The following MUC3A variants were observed in gnomAD, a reference collection of about 807,000 sequenced individuals.
MUC3A encodes mucin 3A, cell surface associated.
A neutral mutation model predicts 109.0 loss-of-function variants in MUC3A; 109 were observed. The ratio of observed to expected loss-of-function variants is 1.00; its 90% confidence interval spans 0.86 to 1.17. The LOEUF is 1.17. Among genes scored for constraint, MUC3A ranks in the 50% most tolerant of loss-of-function variants. MUC3A has a pLI of 0.00. For missense variants in MUC3A, 3,537 were observed against 2,469.4 expected (o/e 1.43, Z -9.16); for synonymous variants, 1,398 against 981.4 (o/e 1.42, Z -7.93).
chr7:100,966,348 C>T, intron 8 of MUC3A, 38 bp from the exon 9 acceptor site: 10 of 1,298,614 alleles, frequency 7.7e-6, no homozygotes, highest in African/African-American at 1.5e-5. Flanking sequence ...ACCCCGAGCC[C>T]GGAGGTGAAG....
At position 100,960,797 on chromosome 7, in the gene MUC3A, G is replaced by T. The variant is rs867329998; in HGVS notation, c.8912G>T (p.Cys2971Phe). Residue 2971 changes from cysteine to phenylalanine, a missense_variant, in exon 3 of 12, where the codon TGC becomes TTC. Cys to Phe is a radical substitution (Grantham distance 205). Transcript: ENST00000379458. Reference sequence around the variant, plus strand: ...ACCTGGGAACAGGGCCAGTGTGCTTGCCTTCCGGGGTTTTCTGGGGACCGC... The same window carrying T: ...ACCTGGGAACAGGGCCAGTGTGCTTTCCTTCCGGGGTTTTCTGGGGACCGC... ...GGTWEQGQCA[C>F]LPGFSGDRCQ... 2 of 1,598,518 alleles carry T rather than the reference G, an allele frequency of 1.3e-6. No homozygotes were observed. Among genetic ancestry groups the T allele is most frequent in the Non-Finnish European group, 1.7e-6 (2 of 1,179,812 alleles).
Position 100,954,971 on chromosome 7 carries a change from T to G in MUC3A, c.3192T>G (p.Pro1064=). 1 of 453,958 alleles carries G rather than the reference T, an allele frequency of 2.2e-6. No homozygotes were observed. The highest frequency in any genetic ancestry group is 4.9e-5 in the Admixed American group (1 of 20,246). 28.1% of individuals were successfully genotyped at this position (453,958 alleles called of 1,614,324 possible). ...MITSHTTNTT[P]LSTLVTTLLT... is the part of the protein sequence containing the mutation. Reference sequence around the variant, plus strand: ...CCAGTCATACCACAAACACCACCCCTCTATCCACCTTGGTGACTACACTCC... The same window carrying G: ...CCAGTCATACCACAAACACCACCCCGCTATCCACCTTGGTGACTACACTCC... Residue 1064 remains proline (P), a synonymous_variant, in exon 2 of 12, where the codon CCT becomes CCG. Coordinates refer to ENST00000379458, the MANE Select transcript of MUC3A (RefSeq NM_005960.2).
At chr7:100,964,140 AAGAAG>A (rs1288159359) in intron 5 of MUC3A, 10 of 3,944 alleles carry the variant, frequency 2.5e-3, no homozygotes, top group Admixed American at 0.025. Flanking sequence ...TTGATGCAAC[AAGAAG>A]AGAACGTCAG....
intron 1 of MUC3A, among the ~76,000 whole-genome samples, chr7:100,949,952 C>T (rs1018490456): frequency 6.6e-6 from 1 of 152,282 alleles, no homozygotes; most frequent in Non-Finnish European, 1.5e-5. Context: ...AAGCACTGAG[C>T]AGGTTGCAGC....
Position 100,966,937 on chromosome 7 carries a change from G to A in MUC3A, c.9916G>A (p.Asp3306Asn). The A allele has an allele frequency of 6.3e-7, 1 of 1,598,550 alleles. No homozygotes were observed. Among genetic ancestry groups the A allele is most frequent in the South Asian group, 1.1e-5 (1 of 91,092 alleles). Reference protein sequence around the residue: ...TNFYVALENVDTTMKVHIKRP... With the variant: ...TNFYVALENVNTTMKVHIKRP... ...TTTCTATGTGGCCTTGGAGAACGTGGACACCACTATGAAGGTGAGGGGCTA... is the reference window on the plus strand; with the variant it reads ...TTTCTATGTGGCCTTGGAGAACGTGAACACCACTATGAAGGTGAGGGGCTA... The change falls in exon 11 of 12, where the codon GAC becomes AAC. Residue 3306 changes from aspartate (D) to asparagine (N), a missense_variant. Coordinates refer to ENST00000379458, the MANE Select transcript of MUC3A (RefSeq NM_005960.2).
At chr7:100,962,231 C>CAAAAAAAAAAA (rs1171031869) in intron 3 of MUC3A, among the ~76,000 whole-genome samples, 4 of 15,032 alleles carry the variant, frequency 2.7e-4, no homozygotes, top group African/African-American at 8.4e-4. Context: ...GACTCCGTCT[C>CAAAAAAAAAAA]AAAAAAAAAA....
chr7:100,965,921 T>G (rs2116226369), intron 8 of MUC3A, 55 bp downstream of exon 8: 1 of 1,539,022 alleles, frequency 6.5e-7, no homozygotes, highest in Non-Finnish European at 8.7e-7. Context: ...CATTCTAGGA[T>G]GAAGCCCTGC....
chr7:100,958,716 A>G lies in MUC3A; in HGVS notation c.6937A>G (p.Thr2313Ala), dbSNP rs1219723345. The G allele has an allele frequency of 2.0e-6, 3 of 1,510,300 alleles. No individual in the cohort carries two copies. The highest frequency in any genetic ancestry group is 1.8e-6 in the Non-Finnish European group (2 of 1,117,660). 93.6% of individuals were successfully genotyped at this position (1,510,300 alleles called of 1,614,324 possible). A position where few individuals can be genotyped will look rare whatever the true frequency, so the allele number is the denominator to read the frequency against. Residue 2313 changes from threonine (T) to alanine (A), a missense_variant, in exon 2 of 12, where the codon ACC becomes GCC. Physicochemically the swap from Thr to Ala is moderately conservative, Grantham distance 58 (BLOSUM62 0). Coordinates refer to ENST00000379458, the MANE Select transcript of MUC3A (RefSeq NM_005960.2). ...STPSFTSSIT[T>A]TETTSHSAHS... ...TCCCAGCTTCACTTCTTCGATCACC[A>G]CCACGGAGACCACCTCACACAGTGC...
chr7:100,965,469 A>C (rs1792500666), intron 7 of MUC3A, 122 bp downstream of exon 7: 2 of 1,491,546 alleles, frequency 1.3e-6, no homozygotes, highest in African/African-American at 1.4e-5. Flanking sequence ...CATGTGGCCC[A>C]GGGCGGCCCT....
In MUC3A at chr7:100,960,513, C is replaced by G. The variant is rs1243288021; in HGVS notation, c.8734C>G (p.Pro2912Ala). 6.3e-7 allele frequency: 1 copy of G among 1,598,702 alleles called. No homozygotes were observed. The highest frequency in any genetic ancestry group is 1.1e-5 in the South Asian group (1 of 91,092). Reference protein sequence around the residue: ...ILRTSSKSTHPSPPTTRTSET... With the variant: ...ILRTSSKSTHASPPTTRTSET... ...GAGGACTTCAAGCAAGTCAACACAC[C>G]CCTCCCCACCCACCACTAGGACTTC... Residue 2912 changes from proline to alanine, a missense_variant, in exon 2 of 12, where the codon CCC (proline) becomes GCC (alanine). Coordinates refer to ENST00000379458, the MANE Select transcript of MUC3A (RefSeq NM_005960.2).
chr7:100,961,421 T>C (rs942974863), intron 3 of MUC3A, among the ~76,000 whole-genome samples: 2 of 9,598 alleles, frequency 2.1e-4, no homozygotes, highest in African/African-American at 3.1e-4. Context: ...CTTTCTCCCA[T>C]AGCCTCATCT....
chr7:100,952,270 A>G lies in MUC3A; in HGVS notation c.491A>G (p.Gln164Arg), dbSNP rs1375445310. Residue 164 changes from glutamine to arginine, a missense_variant, in exon 2 of 12, where the codon CAG (glutamine) becomes CGG (arginine). Transcript: ENST00000379458. ...TCTTACACCTCGACTCCCGTGACAC[A>G]GAAGCCAGTGACCACCGTCACCAGT... ...TSSYTSTPVT[Q>R]KPVTTVTSTY... The G allele has an allele frequency of 1.3e-6, 2 of 1,598,362 alleles. No individual in the cohort carries two copies. Among genetic ancestry groups the G allele is most frequent in the Non-Finnish European group, 1.7e-6 (2 of 1,179,756 alleles).
chr7:100,956,224 C>A lies in MUC3A; in HGVS notation c.4445C>A (p.Pro1482His). Reference protein sequence around the residue: ...VTESTTEITYPTTMTETSSTA... With the variant: ...VTESTTEITYHTTMTETSSTA... The stretch of plus-strand genomic sequence containing the variant: ...GAGTCCACAACTGAAATCACCTATC[C>A]CACCACTATGACAGAGACATCATCT... Residue 1482 changes from proline (P) to histidine (H), a missense_variant, in exon 2 of 12, where the codon CCC becomes CAC. Physicochemically the swap from Pro to His is moderately conservative, Grantham distance 77 (BLOSUM62 -2). Transcript: ENST00000379458. The A allele has an allele frequency of 2.1e-6, 1 of 472,272 alleles. No homozygotes were observed. The highest frequency in any genetic ancestry group is 4.6e-5 in the South Asian group (1 of 21,574). 29.3% of individuals were successfully genotyped at this position (472,272 alleles called of 1,614,324 possible). A position where few individuals can be genotyped will look rare whatever the true frequency, so the allele number is the denominator to read the frequency against.
At position 100,955,276 on chromosome 7, in the gene MUC3A, C is replaced by A. The variant is rs1287422840; in HGVS notation, c.3497C>A (p.Ser1166Tyr). 8 of 764,344 alleles carry A rather than the reference C, an allele frequency of 1.0e-5. No individual in the cohort carries two copies. Among genetic ancestry groups the A allele is most frequent in the African/African-American group, 8.5e-5 (5 of 59,142 alleles). 47.3% of individuals were successfully genotyped at this position (764,344 alleles called of 1,614,324 possible). Reference protein sequence around the residue: ...SSTIYSTVSTSTTAISSASPT... With the variant: ...SSTIYSTVSTYTTAISSASPT... ...ACCATCTACTCCACAGTCAGCACAT[C>A]CACAACTGCCATCTCCTCAGCTTCC... Residue 1166 changes from serine (S) to tyrosine (Y), a missense_variant, in exon 2 of 12, where the codon TCC becomes TAC. By Grantham distance (144) the Ser-to-Tyr change is moderately radical (BLOSUM62 -2). Coordinates refer to ENST00000379458, the MANE Select transcript of MUC3A (RefSeq NM_005960.2).
In MUC3A at chr7:100,959,995, C is replaced by T; in HGVS notation, c.8216C>T (p.Thr2739Ile). Residue 2739 changes from threonine (T) to isoleucine (I), a missense_variant, in exon 2 of 12, where the codon ACC (threonine) becomes ATC (isoleucine). Coordinates refer to ENST00000379458, the MANE Select transcript of MUC3A (RefSeq NM_005960.2). The stretch of plus-strand genomic sequence containing the variant: ...CCTAGTCTCTCTTCCTCTGCAACTA[C>T]CAGCACTTCTTCAACCAGCTCCTCT... ...GFPSLSSSAT[T>I]STSSTSSSLT... is the part of the protein sequence containing the mutation. The T allele has an allele frequency of 2.0e-6, 3 of 1,506,648 alleles. No homozygotes were observed. In the South Asian group the frequency reaches 4.0e-5, roughly 20 times the overall value. 93.3% of individuals were successfully genotyped at this position (1,506,648 alleles called of 1,614,324 possible). A position where few individuals can be genotyped will look rare whatever the true frequency, so the allele number is the denominator to read the frequency against.
At position 100,967,475 on chromosome 7, in the gene MUC3A, C is replaced by G. The variant is rs958942371; in HGVS notation, c.*313C>G. 59 of 575,540 alleles carry G rather than the reference C, an allele frequency of 1.0e-4. No homozygotes were observed. Among genetic ancestry groups the G allele is most frequent in the Non-Finnish European group, 1.6e-4 (53 of 324,140 alleles). The allele number at this position is 575,540 out of a possible 1,614,324, so 35.7% of individuals were successfully genotyped here. A position where few individuals can be genotyped will look rare whatever the true frequency, so the allele number is the denominator to read the frequency against. On this transcript the variant is annotated 3_prime_UTR_variant, in exon 12 of 12. Transcript: ENST00000379458. ...GCTCACGCCGTTGTTGTGAAAACCA[C>G]ATAGACTTGGTCAATTCTCGGTCCT...
Position 100,953,363 on chromosome 7 carries a change from C to T in MUC3A, c.1584C>T (p.Thr528=). 2.9e-6 allele frequency: 1 copy of T among 340,846 alleles called. No homozygotes were observed. Among genetic ancestry groups the T allele is most frequent in the Non-Finnish European group, 4.8e-6 (1 of 207,940 alleles). The allele number at this position is 340,846 out of a possible 1,614,324, so 21.1% of individuals were successfully genotyped here. ...LSTPTSSLLT[T]FPATYSFSSS... is the part of the protein sequence containing the mutation. The stretch of plus-strand genomic sequence containing the variant: ...CTCCTACAAGTTCCCTCCTGACGAC[C>T]TTCCCAGCAACATATTCATTTTCAT... Residue 528 remains threonine (T), a synonymous_variant, in exon 2 of 12, where the codon ACC becomes ACT. Coordinates refer to ENST00000379458, the MANE Select transcript of MUC3A (RefSeq NM_005960.2).
intron 3 of MUC3A, 157 bp downstream of exon 3, chr7:100,961,094 A>C: frequency 1.0e-6 from 1 of 983,214 alleles, no homozygotes; most frequent in Non-Finnish European, 1.2e-6. Context: ...GCCCTGTGTC[A>C]TGCTCCTCTC....
intron 8 of MUC3A, 113 bp downstream of exon 8, chr7:100,965,979 G>C (rs772096651): frequency 3.5e-6 from 5 of 1,433,596 alleles, no homozygotes; most frequent in Admixed American, 5.1e-5. Context: ...GTGGAGCCTC[G>C]TCCCCAGAGT....
Sources: allele counts gnomAD v4.1 joint callset (sites outside exome capture counted in the v4.1 genomes callset), GRCh38; gene constraint gnomAD v4.1.1; transcripts MANE v1.5; gene names NCBI Gene and HGNC (gene_info 2026-07-23, HGNC 2026-07-21).